The following CIAPIN1 variants were observed in gnomAD, a reference collection of about 807,000 sequenced individuals.
The protein encoded by CIAPIN1 is cytokine induced apoptosis inhibitor 1, also known as anamorsin.
Under a neutral mutation model 34.3 loss-of-function variants are expected in CIAPIN1, and 18 were observed. The observed-to-expected ratio is 0.52, with a 90% CI of 0.36 to 0.78. The LOEUF is 0.78. Among genes scored for constraint, CIAPIN1 ranks in the 30% least tolerant of loss-of-function variants. CIAPIN1 has a pLI of 0.00. For missense variants in CIAPIN1, 310 were observed against 372.5 expected, an observed-to-expected ratio of 0.83 and a Z score of 1.38; for synonymous variants, 131 against 140.4, an observed-to-expected ratio of 0.93 and a Z score of 0.47.
chr16:57,437,588 A>C (rs1903233177), intron 3 of CIAPIN1, among the ~76,000 whole-genome samples: 1 of 151,938 alleles, frequency 6.6e-6, no homozygotes, highest in Non-Finnish European at 1.5e-5. Flanking sequence ...CGGTGGCATG[A>C]TCTCAGCTCA....
chr16:57,431,106 G>T, intron 7 of CIAPIN1, 45 bp downstream of exon 7: 1 of 1,188,958 alleles, frequency 8.4e-7, no homozygotes, highest in Non-Finnish European at 1.3e-6. Flanking sequence ...TCAGCATGAA[G>T]CCACTGGAGG....
At position 57,439,324 on chromosome 16, in the gene CIAPIN1, T is replaced by C; in HGVS notation, c.168A>G (p.Lys56=). 6.2e-7 allele frequency: 1 copy of C among 1,614,196 alleles called. No individual in the cohort carries two copies. The highest frequency in any genetic ancestry group is 8.5e-7 in the Non-Finnish European group (1 of 1,180,030). ...NIKQLLQSAH[K]ESSFDIILSG... ...ACAAAATAATGTCAAAGCTGGATTC[T>C]TTGTGGGCAGCTGAAAAGAAGAGGA... The change falls in exon 3 of 9, where the codon AAA becomes AAG. Residue 56 remains lysine (K), a synonymous_variant. Coordinates refer to ENST00000394391, the MANE Select transcript of CIAPIN1 (RefSeq NM_020313.4).
At chr16:57,442,990 C>T (rs1054845738) in intron 1 of CIAPIN1, among the ~76,000 whole-genome samples, 12 of 151,420 alleles carry the variant, frequency 7.9e-5, no homozygotes, top group African/African-American at 2.4e-4. Context: ...CAACTGCAAG[C>T]GCCCCTAAAA....
intron 5 of CIAPIN1, 86 bp from the exon 6 acceptor site, chr16:57,432,646 T>A: frequency 8.0e-7 from 1 of 1,249,070 alleles, no homozygotes; most frequent in South Asian, 1.3e-5. Flanking sequence ...TCCTGCTGTG[T>A]AGAAGAGAAC....
At chr16:57,442,325 A>G (rs2029883573) in intron 1 of CIAPIN1, among the ~76,000 whole-genome samples, 1 of 151,976 alleles carries the variant, frequency 6.6e-6, no homozygotes, top group South Asian at 2.1e-4. Flanking sequence ...CAGCCTGGTG[A>G]CAGAGCGAGA....
chr16:57,444,090 G>C (rs1396937806), intron 1 of CIAPIN1, among the ~76,000 whole-genome samples: 2 of 152,204 alleles, frequency 1.3e-5, no homozygotes, highest in Non-Finnish European at 2.9e-5. Context: ...TTACTTATTA[G>C]CTAGAGAAAA....
intron 4 of CIAPIN1, 90 bp from the exon 5 acceptor site, chr16:57,434,302 C>G: frequency 8.0e-7 from 1 of 1,248,624 alleles, no homozygotes; most frequent in South Asian, 1.3e-5. Context: ...AGACTCATTT[C>G]TGTGCATTAA....
intron 5 of CIAPIN1, 196 bp downstream of exon 5, chr16:57,433,848 T>C: frequency 9.7e-6 from 5 of 517,506 alleles, no homozygotes; most frequent in South Asian, 8.0e-5. Context: ...AACTAGATAA[T>C]ACCTATGTAT....
chr16:57,433,523 C>CTGTGTG lies in CIAPIN1; in HGVS notation c.556+515_556+520dup, dbSNP rs147834361. 271 of 156,126 alleles carry CTGTGTG rather than the reference C, an allele frequency of 1.7e-3. 1 individual carries two copies. The highest frequency in any genetic ancestry group is 5.8e-3 in the African/African-American group (239 of 40,902). 9.7% of individuals were successfully genotyped at this position (156,126 alleles called of 1,614,324 possible). A position where few individuals can be genotyped will look rare whatever the true frequency, so the allele number is the denominator to read the frequency against. ...AGGGATAGGAAGGATGAGGATGGAG[C>CTGTGTG]TGTGTGTGTGTGTGTGTGTGCGTGC... On this transcript the variant is annotated intron_variant, in intron 5 of 8. Coordinates refer to ENST00000394391, the MANE Select transcript of CIAPIN1 (RefSeq NM_020313.4).
chr16:57,434,486 T>C (rs910003100), intron 4 of CIAPIN1, among the ~76,000 whole-genome samples: 5 of 152,230 alleles, frequency 3.3e-5, no homozygotes, highest in Admixed American at 2.6e-4. Context: ...TTATTTGGGA[T>C]GTAATACAAT....
intron 1 of CIAPIN1, among the ~76,000 whole-genome samples, chr16:57,444,612 T>C (rs2029981814): frequency 6.6e-6 from 1 of 152,252 alleles, no homozygotes; most frequent in Non-Finnish European, 1.5e-5. Flanking sequence ...TTGCGTTCCG[T>C]ATCTCCCAAA....
At chr16:57,447,260 T>A in intron 1 of CIAPIN1, 82 bp downstream of exon 1, 1 of 380,044 alleles carries the variant, frequency 2.6e-6, no homozygotes, top group Non-Finnish European at 4.6e-6. Context: ...GAAGAGAAAA[T>A]GAGAGGATGT....
chr16:57,429,338 A>G (rs1903027018), intron 8 of CIAPIN1, 58 bp from the exon 9 acceptor site: 1 of 1,178,586 alleles, frequency 8.5e-7, no homozygotes. Flanking sequence ...ACCAGCCAGA[A>G]GAAAGAAATG....
At chr16:57,441,511 T>C (rs1487671745) in intron 1 of CIAPIN1, 1 of 152,280 alleles carries the variant, frequency 6.6e-6, no homozygotes, top group Non-Finnish European at 1.5e-5. Context: ...ACTATGTCTG[T>C]ACCATTTAAT....
At chr16:57,446,565 G>A (rs533641860) in intron 1 of CIAPIN1, among the ~76,000 whole-genome samples, 51 of 152,236 alleles carry the variant, frequency 3.4e-4, no homozygotes, top group African/African-American at 1.2e-3. Context: ...TTCCTACTAA[G>A]CCTTCTCTGA....
chr16:57,434,221 C>T lies in CIAPIN1; in HGVS notation c.388-9G>A, dbSNP rs368560909. On this transcript the variant is annotated splice_polypyrimidine_tract_variant and intron_variant, in intron 4 of 8. Transcript: ENST00000394391. ...AGGGGCTCCCGCTGCAGCTAGAATT[C>T]AAGACATCAAAAGGATTAGTTCACC... is the stretch of plus-strand genomic sequence containing the variant. 6.2e-7 allele frequency: 1 copy of T among 1,613,484 alleles called. No individual in the cohort carries two copies. Among genetic ancestry groups the T allele is most frequent in the Non-Finnish European group, 8.5e-7 (1 of 1,179,668 alleles).
chr16:57,432,643 G>A (rs1184377730), intron 5 of CIAPIN1, 83 bp from the exon 6 acceptor site: 3 of 1,258,562 alleles, frequency 2.4e-6, no homozygotes, highest in Non-Finnish European at 1.1e-6. Context: ...GCTTCCTGCT[G>A]TGTAGAAGAG....
rs774985672 is a variant in CIAPIN1, at chr16:57,430,280, T to C, written c.806A>G (p.Gln269Arg). The C allele has an allele frequency of 1.2e-6, 2 of 1,614,222 alleles. No homozygotes were observed. Among genetic ancestry groups the C allele is most frequent in the Non-Finnish European group, 1.7e-6 (2 of 1,180,034 alleles). The stretch of plus-strand genomic sequence containing the variant: ...TACGTTTCCACAAGCTGACTTGGGT[T>C]GGGAGCTCATCTGTTCCCTTGACTT... Reference protein sequence around the residue: ...KEKSREQMSSQPKSACGNCYL... With the variant: ...KEKSREQMSSRPKSACGNCYL... The change falls in exon 8 of 9, where the codon CAA becomes CGA. Residue 269 changes from glutamine to arginine, a missense_variant. Physicochemically the swap from Gln to Arg is conservative, Grantham distance 43 (BLOSUM62 1). Coordinates refer to ENST00000394391, the MANE Select transcript of CIAPIN1 (RefSeq NM_020313.4).
Position 57,431,171 on chromosome 16 carries a change from C to G in CIAPIN1, c.726G>C (p.Lys242Asn), listed in dbSNP as rs1205786555. 6 of 1,613,376 alleles carry G rather than the reference C, an allele frequency of 3.7e-6. No homozygotes were observed. In the East Asian group the frequency reaches 1.3e-4, roughly 36 times the overall value. The change falls in exon 7 of 9, where the codon AAG (lysine) becomes AAC (asparagine). Residue 242 changes from lysine (K) to asparagine (N), a missense_variant. Physicochemically the swap from Lys to Asn is moderately conservative, Grantham distance 94. Transcript: ENST00000394391. ...LRAASCGEGK[K>N]RKACKNCTCG... ...CTCACCAGTTCTTACAGGCCTTCCT[C>G]TTTTTCCCTTCCCCACAAGAAGCAG...
Sources: gnomAD v4.1 joint callset for allele counts (sites outside exome capture counted in the v4.1 genomes callset) on GRCh38, gnomAD v4.1.1 for gene constraint, MANE v1.5 for transcripts, NCBI Gene and HGNC (gene_info 2026-07-23, HGNC 2026-07-21) for gene names.